Variants in ADGRE2 observed in about 807,000 individuals in gnomAD.
The protein encoded by ADGRE2 is CD97 antigen.
In ADGRE2, 83 loss-of-function variants were observed where a neutral mutation model predicts 100.8. The observed-to-expected ratio is 0.82, with a 90% confidence interval of 0.69 to 0.99. The LOEUF is 0.99. Ranked by LOEUF, ADGRE2 falls within the 50% of genes least tolerant of loss-of-function variation. The pLI, the probability that ADGRE2 is intolerant of heterozygous loss-of-function variation, is 0.00. For synonymous variants in ADGRE2, 355 were observed against 413.0 expected (o/e 0.86, Z 1.70); for missense variants, 814 against 1,035.7 (o/e 0.79, Z 2.94).
intron 20 of ADGRE2, among the ~76,000 whole-genome samples, chr19:14,738,969 CTTTTT>C (rs68029679): frequency 9.5e-6 from 1 of 104,912 alleles, no homozygotes. Flanking sequence ...CTTTTCTTTT[CTTTTT>C]TTTTTTTTTT....
rs778499034 is a variant in ADGRE2, at chr19:14,743,789, A to G, written c.2184-5T>C. 3.1e-6 allele frequency: 5 copies of G among 1,613,780 alleles called. No homozygotes were observed. In the South Asian group the frequency reaches 5.5e-5, roughly 18 times the overall value. On this transcript the variant is annotated splice_polypyrimidine_tract_variant and splice_region_variant and intron_variant, in intron 18 of 20. Transcript: ENST00000315576. ...GTCGCTTTAAATGCCAGCATCCTGG[A>G]TTGAGTAAGAAAGGAGGCTGGTGAT...
At chr19:14,731,548 G>A (rs1355478275), downstream of ADGRE2, 2 of 242,182 alleles carry the variant, frequency 8.3e-6, no homozygotes, top group Non-Finnish European at 1.6e-5. Context: ...GAGCTGGAGG[G>A]AGAGGGTTCT....
In ADGRE2 at chr19:14,735,603, T is replaced by C. The variant is rs2042732577; in HGVS notation, c.*633A>G. 1 of 152,196 alleles carries C rather than the reference T, an allele frequency of 6.6e-6. No homozygotes were observed. Among genetic ancestry groups the C allele is most frequent in the Non-Finnish European group, 1.5e-5 (1 of 68,044 alleles). The allele number at this position is 152,196 out of a possible 1,614,324, so 9.4% of individuals were successfully genotyped here. ...GTTTATAAAATAGTTTATACTTCAA[T>C]TGCCTAGCAGTAGAAACCTGATTTC... On this transcript the variant is annotated 3_prime_UTR_variant, in exon 21 of 21. Coordinates refer to ENST00000315576, the MANE Select transcript of ADGRE2 (RefSeq NM_013447.4).
the ADGRE2 span, among the ~76,000 whole-genome samples, chr19:14,724,408 A>G: frequency 6.6e-6 from 1 of 152,188 alleles, no homozygotes; most frequent in Admixed American, 6.5e-5. Flanking sequence ...GTGATGTTCT[A>G]GGATGGCTCA....
chr19:14,764,654 G>C, intron 10 of ADGRE2, 44 bp from the exon 11 acceptor site: 1 of 1,565,428 alleles, frequency 6.4e-7, no homozygotes, highest in Non-Finnish European at 8.7e-7. Context: ...TGGGCCAGAG[G>C]GCCCGCATGA....
intron 5 of ADGRE2, chr19:14,772,141 C>T: frequency 1.5e-6 from 1 of 665,114 alleles, no homozygotes. Context: ...GCCCAGGTAG[C>T]TGGTCCCAGA....
At position 14,778,411 on chromosome 19, in the gene ADGRE2, A is replaced by C. The variant is rs2044503714; in HGVS notation, c.-326T>G. On this transcript the variant is annotated 5_prime_UTR_variant, in exon 1 of 21. Coordinates refer to ENST00000315576, the MANE Select transcript of ADGRE2 (RefSeq NM_013447.4). ...GTGATAGAGTGAGACCCTGTGTCAA[A>C]AACAAAAAGAAAGAAAGAAAACTGA... The C allele has an allele frequency of 1.3e-6, 1 of 742,452 alleles. No homozygotes were observed. Among genetic ancestry groups the C allele is most frequent in the Admixed American group, 6.3e-5 (1 of 15,988 alleles). The allele number at this position is 742,452 out of a possible 1,614,324, so 46.0% of individuals were successfully genotyped here. A position where few individuals can be genotyped will look rare whatever the true frequency, so the allele number is the denominator to read the frequency against.
intron 20 of ADGRE2, among the ~76,000 whole-genome samples, chr19:14,736,916 A>T (rs1346597949): frequency 5.8e-5 from 8 of 137,380 alleles, no homozygotes; most frequent in Non-Finnish European, 1.1e-4. Flanking sequence ...TATATTTAGA[A>T]ATATATATAT....
intron 20 of ADGRE2, among the ~76,000 whole-genome samples, chr19:14,740,066 A>T (rs1599782278): frequency 6.6e-6 from 1 of 151,248 alleles, no homozygotes; most frequent in Non-Finnish European, 1.5e-5. Flanking sequence ...GTGTCACTGC[A>T]CTCCAGCCTG....
chr19:14,775,803 A>T (rs940603813), intron 2 of ADGRE2, among the ~76,000 whole-genome samples: 3 of 148,672 alleles, frequency 2.0e-5, no homozygotes, highest in African/African-American at 7.5e-5. Flanking sequence ...AGGTTGCAGC[A>T]AGCTGAGATC....
At chr19:14,759,503 A>ATATATATATATATATATATATATATTT (rs60789454) in intron 11 of ADGRE2, among the ~76,000 whole-genome samples, 4 of 133,374 alleles carry the variant, frequency 3.0e-5, no homozygotes, top group African/African-American at 1.2e-4. Flanking sequence ...ATATATATAT[A>ATATATATATATATATATATATATATTT]TTTTTTTTTT....
intron 20 of ADGRE2, among the ~76,000 whole-genome samples, chr19:14,737,601 C>T (rs912088629): frequency 6.6e-6 from 1 of 152,016 alleles, no homozygotes; most frequent in Non-Finnish European, 1.5e-5. Context: ...TCTCAGAAGC[C>T]CCATCTTTGT....
chr19:14,731,088 G>GC, downstream of ADGRE2: 1 of 1,205,914 alleles, frequency 8.3e-7, no homozygotes, highest in Non-Finnish European at 1.2e-6. Flanking sequence ...CGCCCCTCCT[G>GC]CCCCCTCCCC....
chr19:14,759,055 T>G (rs2043606094), intron 11 of ADGRE2, among the ~76,000 whole-genome samples: 1 of 152,090 alleles, frequency 6.6e-6, no homozygotes, highest in Non-Finnish European at 1.5e-5. Flanking sequence ...GGTGAGCCAT[T>G]TACATACAGC....
In ADGRE2 at chr19:14,774,036, G is replaced by T. The variant is rs912959685; in HGVS notation, c.101C>A (p.Pro34His). 1.5e-5 allele frequency: 25 copies of T among 1,614,024 alleles called. No homozygotes were observed. The highest frequency in any genetic ancestry group is 2.1e-5 in the Non-Finnish European group (25 of 1,180,024). Residue 34 changes from proline to histidine, a missense_variant, in exon 4 of 21, where the codon CCT becomes CAT. By Grantham distance (77) the Pro-to-His change is moderately conservative. Transcript: ENST00000315576. ...QDSRGCARWC[P>H]QDSSCVNATA... ...GGCATTGACACACGAGGAGTCCTGA[G>T]GGCACCACCGGGCACAGCCTGCAAG... is the stretch of plus-strand genomic sequence containing the variant.
At chr19:14,725,463 T>A in the ADGRE2 span, among the ~76,000 whole-genome samples, 1 of 152,160 alleles carries the variant, frequency 6.6e-6, no homozygotes, top group Admixed American at 6.6e-5. Flanking sequence ...TGTTCCACCA[T>A]CAACTCAATC....
chr19:14,749,362 C>T, intron 16 of ADGRE2, among the ~76,000 whole-genome samples: 1 of 141,610 alleles, frequency 7.1e-6, no homozygotes, highest in Admixed American at 7.2e-5. Flanking sequence ...TATGATTATA[C>T]AATTTAATGT....
At chr19:14,772,590 T>G (rs2044252130) in intron 4 of ADGRE2, 93 bp from the exon 5 acceptor site, 4 of 1,455,440 alleles carry the variant, frequency 2.7e-6, no homozygotes, top group East Asian at 2.4e-5. Context: ...TGGGGCCTGC[T>G]GCTTAGTATC....
chr19:14,729,075 G>A (rs374369041), downstream of ADGRE2, among the ~76,000 whole-genome samples: 8 of 152,326 alleles, frequency 5.3e-5, no homozygotes, highest in East Asian at 9.6e-4. Context: ...ATGCGTGACC[G>A]AGGGAACAGA....
Sources: allele counts gnomAD v4.1 joint callset (sites outside exome capture counted in the v4.1 genomes callset), GRCh38; gene constraint gnomAD v4.1.1; transcripts MANE v1.5; gene names NCBI Gene and HGNC (gene_info 2026-07-23, HGNC 2026-07-21).